The following NXPH2 variants were observed in gnomAD, a reference collection of about 807,000 sequenced individuals.
NXPH2 encodes the protein neurexophilin 2.
NXPH2 carries 5 observed loss-of-function variants against 19.8 expected under a neutral mutation model. That is an observed-to-expected ratio of 0.25 (90% CI 0.13 to 0.53). NXPH2 has a LOEUF of 0.53. Ranked by LOEUF, NXPH2 falls within the 20% of genes least tolerant of loss-of-function variation. The probability of loss-of-function intolerance (pLI) is 0.96; values close to 1 mark genes in which losing one functional copy is unlikely to be tolerated. For synonymous variants in NXPH2, 154 were observed against 127.4 expected (o/e 1.21, Z -1.41); for missense variants, 289 against 322.8 (o/e 0.90, Z 0.80).
chr2:138,756,960 C>T (rs917939945), intron 1 of NXPH2, among the ~76,000 whole-genome samples: 1 of 152,128 alleles, frequency 6.6e-6, no homozygotes, highest in Admixed American at 6.5e-5. Context: ...AGTAACATAA[C>T]ACTGTCTTTT....
intron 1 of NXPH2, among the ~76,000 whole-genome samples, chr2:138,749,985 A>G (rs1406973342): frequency 6.6e-6 from 1 of 152,152 alleles, no homozygotes; most frequent in African/African-American, 2.4e-5. Context: ...TCCAGTCTCA[A>G]ATAAGACAAA....
At chr2:138,709,589 T>C (rs952880205) in intron 1 of NXPH2, among the ~76,000 whole-genome samples, 2 of 152,072 alleles carry the variant, frequency 1.3e-5, no homozygotes, top group African/African-American at 4.8e-5. Flanking sequence ...TCCTATGGGT[T>C]TTGACAAATG....
intron 1 of NXPH2, among the ~76,000 whole-genome samples, chr2:138,757,813 TTATC>T (rs57043046): frequency 0.34 from 49,973 of 147,272 alleles, 8,453 homozygotes; most frequent in African/African-American, 0.35. Flanking sequence ...GTGTGTTTCT[TTATC>T]TATCTATCTA....
intron 1 of NXPH2, among the ~76,000 whole-genome samples, chr2:138,754,947 T>C (rs1573979018): frequency 1.3e-5 from 2 of 152,312 alleles, no homozygotes; most frequent in East Asian, 3.9e-4. Context: ...TGTTTAAATG[T>C]TCAATCATGA....
At chr2:138,708,345 C>A (rs1681047942) in intron 1 of NXPH2, among the ~76,000 whole-genome samples, 1 of 152,196 alleles carries the variant, frequency 6.6e-6, no homozygotes, top group South Asian at 2.1e-4. Context: ...TAGAAAGTAT[C>A]TGAACATACA....
intron 1 of NXPH2, among the ~76,000 whole-genome samples, chr2:138,700,359 C>G (rs1281637482): frequency 6.6e-6 from 1 of 152,154 alleles, no homozygotes; most frequent in African/African-American, 2.4e-5. Context: ...AATCTTTTCA[C>G]CTATCGACAT....
intron 1 of NXPH2, among the ~76,000 whole-genome samples, chr2:138,730,055 G>A (rs754903726): frequency 2.0e-5 from 3 of 151,984 alleles, no homozygotes; most frequent in African/African-American, 4.8e-5. Flanking sequence ...TCTTTTTGCC[G>A]TGTCCTCATT....
intron 1 of NXPH2, among the ~76,000 whole-genome samples, chr2:138,724,966 C>T (rs1681337263): frequency 6.6e-6 from 1 of 152,174 alleles, no homozygotes; most frequent in African/African-American, 2.4e-5. Context: ...GCTCTGATTG[C>T]TACTGAGCTC....
At chr2:138,745,463 C>G (rs1283785944) in intron 1 of NXPH2, among the ~76,000 whole-genome samples, 1 of 139,486 alleles carries the variant, frequency 7.2e-6, no homozygotes, top group African/African-American at 2.8e-5. Context: ...CGGTGCAATG[C>G]CTATGCACAT....
In NXPH2 at chr2:138,736,172, C is replaced by T. The variant is rs369821580; in HGVS notation, c.51+44019G>A. Among the ~76,000 whole-genome samples the T allele has an allele frequency of 8.5e-5, 13 of 152,194 alleles. No homozygotes were observed. In the East Asian group the frequency reaches 1.2e-3, roughly 14 times the overall value. ...GAGTGGCCCTCTTCTCACAGCTACACTAGGTGGTATCCCAGTTGGGACTCT... is the reference window on the plus strand; with the variant it reads ...GAGTGGCCCTCTTCTCACAGCTACATTAGGTGGTATCCCAGTTGGGACTCT... On this transcript the variant is annotated intron_variant, in intron 1 of 1. Transcript: ENST00000272641.
At position 138,669,332 on chromosome 2, in the gene NXPH2, T is replaced by G. The variant is rs535237832; in HGVS notation, c.*1590A>C. On this transcript the variant is annotated 3_prime_UTR_variant, in exon 2 of 2. Coordinates refer to ENST00000272641, the MANE Select transcript of NXPH2 (RefSeq NM_007226.3). ...AAAATAAAAAGATGTTTCAAAATAT[T>G]AATCACCAACCACAAAATTACAAAA... 5.6e-4 allele frequency among the ~76,000 whole-genome samples: 86 copies of G among 152,252 alleles called. No individual in the cohort carries two copies. The highest frequency in any genetic ancestry group is 2.0e-3 in the African/African-American group (82 of 41,556).
intron 1 of NXPH2, among the ~76,000 whole-genome samples, chr2:138,707,094 CA>C (rs70982073): frequency 1.0e-3 from 35 of 34,838 alleles, no homozygotes; most frequent in South Asian, 6.2e-3. Flanking sequence ...TGCCCCATGA[CA>C]AAAAAAAAAA....
intron 1 of NXPH2, among the ~76,000 whole-genome samples, chr2:138,721,889 T>C (rs1681284323): frequency 2.0e-5 from 3 of 152,216 alleles, no homozygotes; most frequent in South Asian, 4.1e-4. Context: ...GTAGTGTGCT[T>C]TGAGTATTCT....
intron 1 of NXPH2, among the ~76,000 whole-genome samples, chr2:138,723,061 C>T (rs905437136): frequency 2.0e-5 from 3 of 152,054 alleles, no homozygotes; most frequent in Admixed American, 2.0e-4. Flanking sequence ...CAAGCAAAGG[C>T]AAAAAGTGCT....
Position 138,780,279 on chromosome 2 carries a change from C to G in NXPH2, c.-38G>C, listed in dbSNP as rs1038670486. The G allele has an allele frequency of 5.7e-6, 8 of 1,399,588 alleles. No individual in the cohort carries two copies. Among genetic ancestry groups the G allele is most frequent in the Non-Finnish European group, 7.4e-6 (8 of 1,085,528 alleles). The allele number at this position is 1,399,588 out of a possible 1,614,324, so 86.7% of individuals were successfully genotyped here. A position where few individuals can be genotyped will look rare whatever the true frequency, so the allele number is the denominator to read the frequency against. ...CGCGGCTTTTCACGAGCTGCGCGCC[C>G]TCGCCTGCCTCTCGCGCATCTCCAC... On this transcript the variant is annotated 5_prime_UTR_variant, in exon 1 of 2. Coordinates refer to ENST00000272641, the MANE Select transcript of NXPH2 (RefSeq NM_007226.3).
At chr2:138,738,187 A>C (rs1441346245) in intron 1 of NXPH2, among the ~76,000 whole-genome samples, 1 of 151,886 alleles carries the variant, frequency 6.6e-6, no homozygotes, top group African/African-American at 2.4e-5. Flanking sequence ...AGTCTAGTGT[A>C]AAGGAAAGAA....
chr2:138,744,556 C>A (rs1353288588), intron 1 of NXPH2, among the ~76,000 whole-genome samples: 1 of 152,064 alleles, frequency 6.6e-6, no homozygotes, highest in Non-Finnish European at 1.5e-5. Flanking sequence ...CTATCTGATC[C>A]CAGCCTCCCT....
chr2:138,752,331 A>T (rs1054219338), intron 1 of NXPH2, among the ~76,000 whole-genome samples: 3 of 152,124 alleles, frequency 2.0e-5, no homozygotes, highest in Non-Finnish European at 4.4e-5. Context: ...TTGGCACAAA[A>T]TTAACAACGG....
chr2:138,708,452 T>C (rs985942338), intron 1 of NXPH2, among the ~76,000 whole-genome samples: 6 of 152,248 alleles, frequency 3.9e-5, no homozygotes, highest in African/African-American at 1.2e-4. Flanking sequence ...TGGAAGAAGA[T>C]GTAATGTGAT....
Sources: allele counts gnomAD v4.1 joint callset (sites outside exome capture counted in the v4.1 genomes callset), GRCh38; gene constraint gnomAD v4.1.1; transcripts MANE v1.5; gene names NCBI Gene and HGNC (gene_info 2026-07-23, HGNC 2026-07-21).